SLC2A9: variants seen among roughly 807,000 people sequenced by gnomAD.
SLC2A9 encodes the protein solute carrier family 2, facilitated glucose transporter member 9.
In SLC2A9, 39 loss-of-function variants were observed where a neutral mutation model predicts 50.6. The ratio of observed to expected loss-of-function variants is 0.77; its 90% CI spans 0.60 to 1.01. The LOEUF is 1.01. SLC2A9 is among the 50% of genes least tolerant of loss of function. The probability of loss-of-function intolerance (pLI) is 0.00; values close to 1 mark genes in which losing one functional copy is unlikely to be tolerated. For missense variants in SLC2A9, 686 were observed against 677.6 expected (o/e 1.01, Z -0.14); for synonymous variants, 324 against 276.9 (o/e 1.17, Z -1.69).
At chr4:10,033,609 C>G (rs984613272) in intron 1 of SLC2A9, among the ~76,000 whole-genome samples, 2 of 152,202 alleles carry the variant, frequency 1.3e-5, no homozygotes, top group African/African-American at 2.4e-5. Context: ...GTGGCTGAAG[C>G]CTTGGTCCAT....
intron 2 of SLC2A9, among the ~76,000 whole-genome samples, chr4:9,999,946 T>TG (rs1759469721): frequency 6.6e-6 from 1 of 152,104 alleles, no homozygotes; most frequent in Non-Finnish European, 1.5e-5. Context: ...ACTTCCTGGG[T>TG]GATTGGCTCC....
chr4:9,980,877 C>T (rs576152072), intron 4 of SLC2A9, 140 bp from the exon 5 acceptor site: 15 of 1,073,898 alleles, frequency 1.4e-5, no homozygotes, highest in East Asian at 2.6e-5. Context: ...CAGCACTTAG[C>T]ACAAATTGCC....
At chr4:9,797,947 T>C (rs565097253), downstream of SLC2A9, among the ~76,000 whole-genome samples, 6 of 152,332 alleles carry the variant, frequency 3.9e-5, no homozygotes, top group Non-Finnish European at 8.8e-5. Flanking sequence ...TCCCCAGAGT[T>C]CCAGCCCAGT....
intron 10 of SLC2A9, among the ~76,000 whole-genome samples, chr4:9,883,858 C>G (rs1037479467): frequency 6.6e-6 from 1 of 152,206 alleles, no homozygotes; most frequent in African/African-American, 2.4e-5. Flanking sequence ...TTAGGAGAGG[C>G]TGATGTAAAA....
intron 1 of SLC2A9, among the ~76,000 whole-genome samples, chr4:10,037,420 C>G (rs893322365): frequency 6.6e-6 from 1 of 152,154 alleles, no homozygotes; most frequent in Non-Finnish European, 1.5e-5. Context: ...TCTGGGCAAA[C>G]CTTTTTCTCC....
At chr4:9,792,411 C>A (rs1359707047) in intron 3 of SLC2A9, among the ~76,000 whole-genome samples, 1 of 151,150 alleles carries the variant, frequency 6.6e-6, no homozygotes, top group Non-Finnish European at 1.5e-5. Context: ...TGGTCTCAAA[C>A]TCCTGAGCTC....
intron 10 of SLC2A9, among the ~76,000 whole-genome samples, chr4:9,883,344 TTA>T (rs1217973540): frequency 1.3e-5 from 2 of 152,234 alleles, no homozygotes; most frequent in Non-Finnish European, 2.9e-5. Flanking sequence ...GGTGAATTTC[TTA>T]TGTTTGTCGT....
intron 10 of SLC2A9, among the ~76,000 whole-genome samples, chr4:9,842,046 T>C (rs1304454331): frequency 6.6e-6 from 1 of 152,214 alleles, no homozygotes; most frequent in African/African-American, 2.4e-5. Flanking sequence ...GCTAGTTTTC[T>C]AGGTATGTGA....
At chr4:9,853,995 A>C (rs1730354226) in intron 10 of SLC2A9, among the ~76,000 whole-genome samples, 1 of 152,102 alleles carries the variant, frequency 6.6e-6, no homozygotes, top group Non-Finnish European at 1.5e-5. Flanking sequence ...CAGCTAAAAC[A>C]GTGTTAAAAA....
Position 9,809,267 on chromosome 4 carries a change from G to A in SLC2A9, n.421-10026C>T, listed in dbSNP as rs144044823. 6.1e-4 allele frequency among the ~76,000 whole-genome samples: 93 copies of A among 152,162 alleles called. 1 individual carries two copies. The East Asian group carries it at 0.016, about 26-fold the overall frequency. On this transcript the variant is annotated intron_variant and non_coding_transcript_variant, in intron 3 of 3. Coordinates refer to the SLC2A9 transcript ENST00000503280. ...TGGGAGCAGAGTGTGTGGATCAGATGTCCCTGGGTATCATATCCTGTTGTC... is the reference window on the plus strand; with the variant it reads ...TGGGAGCAGAGTGTGTGGATCAGATATCCCTGGGTATCATATCCTGTTGTC...
At chr4:9,872,547 C>T (rs1466211363) in intron 10 of SLC2A9, among the ~76,000 whole-genome samples, 1 of 152,208 alleles carries the variant, frequency 6.6e-6, no homozygotes, top group South Asian at 2.1e-4. Context: ...ATATCGCTTG[C>T]TATCCAAATC....
intron 10 of SLC2A9, among the ~76,000 whole-genome samples, chr4:9,885,586 C>G (rs577952401): frequency 1.3e-5 from 2 of 152,302 alleles, no homozygotes; most frequent in South Asian, 2.1e-4. Context: ...TCCCTGCCAG[C>G]CTTTGCTCAG....
At chr4:9,880,251 T>C in intron 10 of SLC2A9, 2 of 985,472 alleles carry the variant, frequency 2.0e-6, no homozygotes, top group Non-Finnish European at 2.4e-6. Flanking sequence ...AAATGAAGCT[T>C]CTAAACCCTG....
downstream of SLC2A9, among the ~76,000 whole-genome samples, chr4:9,796,506 T>C (rs1446292718): frequency 6.6e-6 from 1 of 152,230 alleles, no homozygotes; most frequent in Non-Finnish European, 1.5e-5. Flanking sequence ...AAGGATTAGA[T>C]GAGATTCTTT....
At position 9,880,010 on chromosome 4, in the gene SLC2A9, C is replaced by G. The variant is rs940766877; in HGVS notation, c.1291+7557G>C. 5 of 985,336 alleles carry G rather than the reference C, an allele frequency of 5.1e-6. No individual in the cohort carries two copies. The African/African-American group carries it at 7.0e-5, about 14-fold the overall frequency. 61.0% of individuals were successfully genotyped at this position (985,336 alleles called of 1,614,324 possible). On this transcript the variant is annotated intron_variant, in intron 10 of 11. Transcript: ENST00000264784. ...CTGCCTCAGGCGGCCTCCTGGCCCT[C>G]TCCTGGGAGATCCATCCCTCTTCTT...
At chr4:10,004,713 G>GT (rs1760454317) in intron 2 of SLC2A9, among the ~76,000 whole-genome samples, 1 of 152,198 alleles carries the variant, frequency 6.6e-6, no homozygotes, top group South Asian at 2.1e-4. Context: ...CACAATCAAC[G>GT]TAACTACAGA....
intron 6 of SLC2A9, among the ~76,000 whole-genome samples, chr4:9,931,962 C>CTATA (rs61538689): frequency 0.023 from 338 of 14,556 alleles, 24 homozygotes; most frequent in Non-Finnish European, 0.026. Context: ...CTCTCTCTCT[C>CTATA]TATATATATA....
chr4:9,987,487 G>A (rs1756934193), intron 3 of SLC2A9, among the ~76,000 whole-genome samples: 3 of 152,134 alleles, frequency 2.0e-5, no homozygotes, highest in African/African-American at 7.2e-5. Context: ...GCCCTTTACG[G>A]CTTATTTTTT....
chr4:9,814,180 A>G (rs1723252501), intron 3 of SLC2A9, among the ~76,000 whole-genome samples: 1 of 152,122 alleles, frequency 6.6e-6, no homozygotes, highest in Non-Finnish European at 1.5e-5. Flanking sequence ...CCAAGTAAAG[A>G]GGAGGAGAAG....
Sources: gnomAD v4.1 joint callset for allele counts (sites outside exome capture counted in the v4.1 genomes callset) on GRCh38, gnomAD v4.1.1 for gene constraint, MANE v1.5 for transcripts, NCBI Gene and HGNC (gene_info 2026-07-23, HGNC 2026-07-21) for gene names.